The following SLC4A4 variants were observed in gnomAD, a reference collection of about 807,000 sequenced individuals.
SLC4A4 encodes the protein electrogenic sodium bicarbonate cotransporter 1.
SLC4A4 carries 27 observed loss-of-function variants against 111.5 expected under a neutral mutation model. The ratio of observed to expected loss-of-function variants is 0.24; its 90% CI spans 0.18 to 0.33. SLC4A4 has a LOEUF of 0.33. Among genes scored for constraint, SLC4A4 ranks in the 10% least tolerant of loss-of-function variants. The pLI is 1.00. For synonymous variants in SLC4A4, 443 were observed against 463.4 expected (o/e 0.96, Z 0.57); for missense variants, 909 against 1,315.5 (o/e 0.69, Z 4.78).
chr4:71,455,114 C>A (rs998321199), intron 12 of SLC4A4, among the ~76,000 whole-genome samples: 2 of 152,170 alleles, frequency 1.3e-5, no homozygotes, highest in Non-Finnish European at 2.9e-5. Context: ...TAAATGTGTA[C>A]GCAGTATTGC....
chr4:71,309,997 A>G (rs530761406), intron 3 of SLC4A4, among the ~76,000 whole-genome samples: 1 of 152,018 alleles, frequency 6.6e-6, no homozygotes, highest in African/African-American at 2.4e-5. Flanking sequence ...AAATGACCTG[A>G]TGGATCTGAG....
upstream of SLC4A4, among the ~76,000 whole-genome samples, chr4:71,183,955 C>A (rs1047624089): frequency 2.0e-5 from 3 of 152,058 alleles, no homozygotes; most frequent in Non-Finnish European, 4.4e-5. Flanking sequence ...TTGTATAACT[C>A]CAGGAGAAAC....
At chr4:71,188,468 C>T (rs1745591774) in intron 1 of SLC4A4, among the ~76,000 whole-genome samples, 1 of 152,174 alleles carries the variant, frequency 6.6e-6, no homozygotes, top group Non-Finnish European at 1.5e-5. Flanking sequence ...TGGAAAGTTG[C>T]TCCTAATGAG....
At chr4:71,544,704 C>T (rs1402683287) in intron 18 of SLC4A4, among the ~76,000 whole-genome samples, 1 of 152,106 alleles carries the variant, frequency 6.6e-6, no homozygotes, top group South Asian at 2.1e-4. Flanking sequence ...AACCATGACT[C>T]TCCTCCATTT....
intron 16 of SLC4A4, among the ~76,000 whole-genome samples, chr4:71,530,268 T>C (rs1248537283): frequency 1.3e-5 from 2 of 152,164 alleles, no homozygotes; most frequent in African/African-American, 4.8e-5. Flanking sequence ...AATTAACTTA[T>C]ATTAGGAGAG....
rs777658369 is a variant in SLC4A4 at position 71,134,118 on chromosome 4, AT to A, written c.-2+41328del. 2.0e-5 allele frequency among the ~76,000 whole-genome samples: 3 copies of A among 152,222 alleles called. No individual in the cohort carries two copies. In the East Asian group the frequency reaches 5.8e-4, roughly 29 times the overall value. On this transcript the variant is annotated intron_variant, in intron 2 of 26. Coordinates refer to the SLC4A4 transcript ENST00000649996. ...TTACCTGAAAATAAAGATTTTCAAA[AT>A]TCTCATTTCAATCATTATATTTTTA...
chr4:71,543,350 A>AT (rs541720287), intron 18 of SLC4A4, among the ~76,000 whole-genome samples: 37 of 152,200 alleles, frequency 2.4e-4, no homozygotes, highest in African/African-American at 8.7e-4. Flanking sequence ...CACATTGGTG[A>AT]TTTTCCCTTC....
chr4:71,293,642 A>G (rs1724558189), intron 3 of SLC4A4, among the ~76,000 whole-genome samples: 1 of 152,222 alleles, frequency 6.6e-6, no homozygotes, highest in South Asian at 2.1e-4. Context: ...GAGAATAGTC[A>G]AGTTTCCCAA....
intron 1 of SLC4A4, among the ~76,000 whole-genome samples, chr4:71,211,749 A>G (rs1181759314): frequency 2.0e-5 from 3 of 147,716 alleles, no homozygotes; most frequent in Non-Finnish European, 3.0e-5. Flanking sequence ...CACATTAGTA[A>G]TAGTGTCACT....
intron 1 of SLC4A4, among the ~76,000 whole-genome samples, chr4:71,087,417 T>C (rs1439544602): frequency 6.6e-6 from 1 of 152,100 alleles, no homozygotes; most frequent in Non-Finnish European, 1.5e-5. Context: ...AGTTCTGCTC[T>C]GATCTTAGTT....
chr4:71,233,177 T>A, intron 1 of SLC4A4: 1 of 670,984 alleles, frequency 1.5e-6, no homozygotes, highest in Non-Finnish European at 1.8e-6. Flanking sequence ...TCTGTCTTGC[T>A]CACTGTAACT....
intron 7 of SLC4A4, chr4:71,437,102 A>T: frequency 2.2e-6 from 1 of 447,604 alleles, no homozygotes. Flanking sequence ...ACTTTTTCCC[A>T]CTGTTCAGGA....
At chr4:71,152,140 G>T (rs1210928129) in intron 2 of SLC4A4, among the ~76,000 whole-genome samples, 1 of 151,996 alleles carries the variant, frequency 6.6e-6, no homozygotes, top group African/African-American at 2.4e-5. Context: ...ATTCTTATCA[G>T]CTAGCTAAAG....
chr4:71,208,445 T>A (rs201329713), intron 1 of SLC4A4, among the ~76,000 whole-genome samples: 6,791 of 135,712 alleles, frequency 0.05, 186 homozygotes, highest in East Asian at 0.091. Context: ...AAAAAAAAAA[T>A]ATATATATAT....
Position 71,570,634 on chromosome 4 carries a change from G to C in SLC4A4, c.*2883G>C, listed in dbSNP as rs1295103901. ...ACTTCCGGAGATAAAGGATTCAAAA[G>C]ATAAAGACAAAGTACGCTCAGAGTT... On this transcript the variant is annotated 3_prime_UTR_variant, in exon 26 of 26. Transcript: ENST00000264485. 6.6e-6 allele frequency: 1 copy of C among 152,164 alleles called. No homozygotes were observed. The highest frequency in any genetic ancestry group is 1.5e-5 in the Non-Finnish European group (1 of 67,830). 9.4% of individuals were successfully genotyped at this position (152,164 alleles called of 1,614,324 possible). A position where few individuals can be genotyped will look rare whatever the true frequency, so the allele number is the denominator to read the frequency against.
At chr4:71,519,706 G>A (rs940712794) in intron 16 of SLC4A4, among the ~76,000 whole-genome samples, 1 of 152,082 alleles carries the variant, frequency 6.6e-6, no homozygotes, top group Admixed American at 6.6e-5. Context: ...ATGACCTTGG[G>A]TCACTGTAAC....
intron 2 of SLC4A4, among the ~76,000 whole-genome samples, chr4:71,147,268 C>A (rs1744201519): frequency 6.6e-6 from 1 of 152,012 alleles, no homozygotes; most frequent in African/African-American, 2.4e-5. Context: ...CAAATTTCTC[C>A]TCTTAAATTT....
chr4:71,129,756 T>G (rs1743652713), intron 2 of SLC4A4, among the ~76,000 whole-genome samples: 3 of 112,584 alleles, frequency 2.7e-5, no homozygotes, highest in African/African-American at 3.5e-5. Context: ...GAAAATGTGG[T>G]ACATATACAT....
chr4:71,149,108 C>T (rs1423344294), intron 2 of SLC4A4, among the ~76,000 whole-genome samples: 1 of 151,946 alleles, frequency 6.6e-6, no homozygotes, highest in Admixed American at 6.6e-5. Context: ...TTCTAAGGTC[C>T]TCTCTAGAAA....
Sources: gnomAD v4.1 joint callset for allele counts (sites outside exome capture counted in the v4.1 genomes callset) on GRCh38, gnomAD v4.1.1 for gene constraint, MANE v1.5 for transcripts, NCBI Gene and HGNC (gene_info 2026-07-23, HGNC 2026-07-21) for gene names.